The following SYNPO2 variants were observed in gnomAD, a reference collection of about 807,000 sequenced individuals.
The protein encoded by SYNPO2 is synaptopodin-2.
A neutral mutation model predicts 85.0 loss-of-function variants in SYNPO2; 56 were observed. The ratio of observed to expected loss-of-function variants is 0.66; its 90% confidence interval spans 0.53 to 0.82. The LOEUF (loss-of-function observed/expected upper bound fraction) is 0.82. Ranked by LOEUF, SYNPO2 falls within the 40% of genes least tolerant of loss-of-function variation. The probability of loss-of-function intolerance (pLI) is 0.00; values close to 1 mark genes in which losing one functional copy is unlikely to be tolerated. For missense variants in SYNPO2, 1,575 were observed against 1,534.2 expected, an observed-to-expected ratio of 1.03 and a Z score of -0.44; for synonymous variants, 602 against 591.1, an observed-to-expected ratio of 1.02 and a Z score of -0.27.
intron 1 of SYNPO2, among the ~76,000 whole-genome samples, chr4:118,868,935 T>C (rs1731750642): frequency 6.6e-6 from 1 of 152,232 alleles, no homozygotes; most frequent in Non-Finnish European, 1.5e-5. Flanking sequence ...GCTTTCCCAC[T>C]GATTCCAGCA....
chr4:118,939,537 C>T (rs930572319), intron 1 of SYNPO2, among the ~76,000 whole-genome samples: 10 of 152,162 alleles, frequency 6.6e-5, no homozygotes, highest in South Asian at 4.1e-4. Flanking sequence ...TGAGTTTATA[C>T]GTGAGAAAGG....
At chr4:118,944,863 A>G (rs1268956336) in intron 1 of SYNPO2, among the ~76,000 whole-genome samples, 1 of 152,154 alleles carries the variant, frequency 6.6e-6, no homozygotes, top group Non-Finnish European at 1.5e-5. Flanking sequence ...AAAATATACC[A>G]TCAATCAGGA....
chr4:118,876,510 C>A (rs1403689748), intron 1 of SYNPO2, among the ~76,000 whole-genome samples: 2 of 152,184 alleles, frequency 1.3e-5, no homozygotes, highest in Non-Finnish European at 2.9e-5. Flanking sequence ...CTCCAAGATG[C>A]CAAGGAGGCA....
At chr4:118,988,682 A>G (rs1372613158) in intron 1 of SYNPO2, among the ~76,000 whole-genome samples, 2 of 152,194 alleles carry the variant, frequency 1.3e-5, no homozygotes, top group East Asian at 3.8e-4. Flanking sequence ...AATTCAATTG[A>G]CATTATGATG....
chr4:118,920,133 G>C (rs1195194548), intron 1 of SYNPO2, among the ~76,000 whole-genome samples: 1 of 152,200 alleles, frequency 6.6e-6, no homozygotes, highest in Non-Finnish European at 1.5e-5. Flanking sequence ...TAAGGTGGTT[G>C]AAGAGTTGTG....
intron 1 of SYNPO2, among the ~76,000 whole-genome samples, chr4:118,917,397 G>A (rs10857062): frequency 0.84 from 126,963 of 152,020 alleles, 53,320 homozygotes; most frequent in Middle Eastern, 0.94. Flanking sequence ...ATCTCGAACA[G>A]AAAACAAACC....
intron 1 of SYNPO2, among the ~76,000 whole-genome samples, chr4:118,959,497 T>C (rs1007554574): frequency 3.3e-5 from 5 of 152,240 alleles, no homozygotes; most frequent in Non-Finnish European, 7.3e-5. Flanking sequence ...CCGTGGGTTT[T>C]TCCAATCCTA....
intron 1 of SYNPO2, among the ~76,000 whole-genome samples, chr4:118,869,340 T>A (rs1731759501): frequency 6.6e-6 from 1 of 152,196 alleles, no homozygotes; most frequent in South Asian, 2.1e-4. Context: ...CATGAGCCAC[T>A]GCACCCAGCC....
chr4:118,851,866 T>G (rs1191273968), intron 1 of SYNPO2, among the ~76,000 whole-genome samples: 1 of 132,850 alleles, frequency 7.5e-6, no homozygotes, highest in Non-Finnish European at 1.6e-5. Context: ...AGGGATGTAG[T>G]TGGTGGGGGA....
intron 1 of SYNPO2, among the ~76,000 whole-genome samples, chr4:118,951,176 C>G (rs1171666793): frequency 6.6e-6 from 1 of 152,198 alleles, no homozygotes; most frequent in Non-Finnish European, 1.5e-5. Context: ...CTTAGTTTGT[C>G]TGTGCTGCTA....
At chr4:118,997,022 C>T (rs1346292464) in intron 1 of SYNPO2, among the ~76,000 whole-genome samples, 1 of 151,326 alleles carries the variant, frequency 6.6e-6, no homozygotes, top group Non-Finnish European at 1.5e-5. Context: ...GGGCGGATCA[C>T]GAGGTCAGGA....
At chr4:118,948,626 A>G (rs936608403) in intron 1 of SYNPO2, among the ~76,000 whole-genome samples, 1 of 152,130 alleles carries the variant, frequency 6.6e-6, no homozygotes, top group Non-Finnish European at 1.5e-5. Context: ...ACACGGTGGA[A>G]GGGGAAGGGG....
At chr4:118,989,173 C>T (rs1318315381) in intron 1 of SYNPO2, among the ~76,000 whole-genome samples, 2 of 152,208 alleles carry the variant, frequency 1.3e-5, no homozygotes, top group Admixed American at 1.3e-4. Flanking sequence ...TCCGGCTGCA[C>T]TCAGCTGCTT....
chr4:118,927,494 A>G (rs1733749264), intron 1 of SYNPO2, among the ~76,000 whole-genome samples: 1 of 152,152 alleles, frequency 6.6e-6, no homozygotes, highest in African/African-American at 2.4e-5. Flanking sequence ...CCGAGTCTAA[A>G]GCGCAAGTCC....
chr4:118,882,420 T>A (rs1732121253), intron 1 of SYNPO2, among the ~76,000 whole-genome samples: 2 of 152,210 alleles, frequency 1.3e-5, no homozygotes, highest in Non-Finnish European at 2.9e-5. Flanking sequence ...TTTCTTAAAA[T>A]GTAAAACATG....
chr4:118,982,401 C>T (rs1285594667), intron 1 of SYNPO2, among the ~76,000 whole-genome samples: 2 of 152,194 alleles, frequency 1.3e-5, no homozygotes, highest in Non-Finnish European at 2.9e-5. Context: ...TCACCATGGA[C>T]ATGTCCCCAT....
chr4:119,027,631 G>A (rs949519757), intron 3 of SYNPO2, among the ~76,000 whole-genome samples, 193 bp downstream of exon 3: 2 of 152,176 alleles, frequency 1.3e-5, no homozygotes, highest in Admixed American at 6.5e-5. Context: ...CAATAAGTCC[G>A]AACTTCATAT....
rs747081179 is a variant in SYNPO2, at chr4:119,031,109, AG to A, written c.2335del (p.Val779SerfsTer30). 1 of 1,614,104 alleles carries A rather than the reference AG, an allele frequency of 6.2e-7. No individual in the cohort carries two copies. Among genetic ancestry groups the A allele is most frequent in the Admixed American group, 1.7e-5 (1 of 60,018 alleles). The stretch of plus-strand genomic sequence containing the variant: ...CCCAACCAGTAACTCCAGTTTCCCC[AG>A]TCTGGTCTCCAGGAGTGGCTCCCAC... ...SSQPVTPVSPVWSPGVAPTQP... is the reference protein window; with the variant it reads ...SSQPVTPVSPXWSPGVAPTQP... On this transcript the variant is annotated frameshift_variant, in exon 4 of 5. Coordinates refer to ENST00000307142, the MANE Select transcript of SYNPO2 (RefSeq NM_133477.3). LOFTEE classifies it high-confidence loss of function.
chr4:119,037,444 A>G (rs1738563667), intron 4 of SYNPO2: 2 of 1,117,424 alleles, frequency 1.8e-6, no homozygotes, highest in South Asian at 7.1e-5. Context: ...AGTAAATAAC[A>G]AAAGCCATAG....
Sources: gnomAD v4.1 joint callset for allele counts (sites outside exome capture counted in the v4.1 genomes callset) on GRCh38, gnomAD v4.1.1 for gene constraint, MANE v1.5 for transcripts, NCBI Gene and HGNC (gene_info 2026-07-23, HGNC 2026-07-21) for gene names.